MVB12B: variants seen among roughly 807,000 people sequenced by gnomAD.
MVB12B encodes the protein multivesicular body subunit 12B.
In MVB12B, 16 loss-of-function variants were observed where a neutral mutation model predicts 41.6. The observed-to-expected ratio is 0.38, with a 90% CI of 0.26 to 0.58. The LOEUF (loss-of-function observed/expected upper bound fraction) is 0.58, where lower values mean the gene tolerates loss of function less well. Ranked by LOEUF, MVB12B falls within the 20% of genes least tolerant of loss-of-function variation. MVB12B has a pLI of 0.62. For missense variants in MVB12B, 274 were observed against 380.2 expected (o/e 0.72, Z 2.32); for synonymous variants, 133 against 139.7 (o/e 0.95, Z 0.34).
Position 126,392,288 on chromosome 9 carries a change from C to A in MVB12B, c.539+93C>A. ...TGAGGTCCAAGAGATTTCCATGCAG[C>A]CCCCCAGGCTCTCAGCCATGGGCCT... On this transcript the variant is annotated intron_variant, in intron 5 of 9. Coordinates refer to ENST00000361171, the MANE Select transcript of MVB12B (RefSeq NM_033446.3). The surrounding 1 kb of genome is among the most constrained non-coding windows in gnomAD (Gnocchi z 4.8). 1 of 1,449,380 alleles carries A rather than the reference C, an allele frequency of 6.9e-7. No individual in the cohort carries two copies. The highest frequency in any genetic ancestry group is 9.5e-7 in the Non-Finnish European group (1 of 1,049,406). 89.8% of individuals were successfully genotyped at this position (1,449,380 alleles called of 1,614,324 possible). A position where few individuals can be genotyped will look rare whatever the true frequency, so the allele number is the denominator to read the frequency against.
At chr9:126,335,502 G>T in intron 1 of MVB12B, 1 of 858,710 alleles carries the variant, frequency 1.2e-6, no homozygotes, top group Non-Finnish European at 1.7e-6. Flanking sequence ...CTTGGGGACA[G>T]GCAGTCCCTT....
chr9:126,338,164 CCGT>C (rs1344135014), intron 1 of MVB12B, among the ~76,000 whole-genome samples: 1 of 152,254 alleles, frequency 6.6e-6, no homozygotes, highest in Non-Finnish European at 1.5e-5. Flanking sequence ...AAGGCCGCCT[CCGT>C]CCGGGGCACA....
chr9:126,357,811 A>G (rs79110247), intron 2 of MVB12B, among the ~76,000 whole-genome samples: 2,621 of 152,274 alleles, frequency 0.017, 68 homozygotes, highest in East Asian at 0.069. Flanking sequence ...TTTGAAAAGC[A>G]AAAGTTTTAA....
chr9:126,502,537 T>TTC (rs1833980232), intron 9 of MVB12B, among the ~76,000 whole-genome samples: 3 of 148,324 alleles, frequency 2.0e-5, no homozygotes, highest in South Asian at 2.2e-4. Flanking sequence ...TGGAGGAAGG[T>TTC]CCCCCCACCG....
At chr9:126,431,553 G>A (rs1832332243) in intron 7 of MVB12B, among the ~76,000 whole-genome samples, 1 of 152,124 alleles carries the variant, frequency 6.6e-6, no homozygotes, top group South Asian at 2.1e-4. Context: ...AATATTACTA[G>A]GTGACAGATA....
chr9:126,405,263 C>T (rs927506432), intron 6 of MVB12B, among the ~76,000 whole-genome samples: 4 of 151,756 alleles, frequency 2.6e-5, no homozygotes, highest in Admixed American at 1.3e-4. Context: ...GTTATCGTCC[C>T]GAGAAGCAGG....
intron 7 of MVB12B, among the ~76,000 whole-genome samples, chr9:126,463,469 G>A (rs1248655100): frequency 2.6e-5 from 4 of 152,114 alleles, no homozygotes; most frequent in Admixed American, 2.6e-4. Context: ...GAGATGACCT[G>A]GTTCGAATGC....
chr9:126,366,801 C>T (rs1331483878), intron 2 of MVB12B, among the ~76,000 whole-genome samples: 2 of 152,130 alleles, frequency 1.3e-5, no homozygotes, highest in African/African-American at 2.4e-5. Context: ...CCCTGCCAGG[C>T]GCCGAGCTTC....
chr9:126,421,837 G>C lies in MVB12B; in HGVS notation c.663-17G>C, dbSNP rs372538913. 27 of 1,597,804 alleles carry C rather than the reference G, an allele frequency of 1.7e-5. No individual in the cohort carries two copies. Among genetic ancestry groups the C allele is most frequent in the Middle Eastern group, 1.7e-4 (1 of 6,058 alleles). On this transcript the variant is annotated splice_polypyrimidine_tract_variant and intron_variant, in intron 6 of 9. Transcript: ENST00000361171. The stretch of plus-strand genomic sequence containing the variant: ...TGCTCCTTGTAATCTCCTTTCTCTC[G>C]TCCTTCTCTTCCTCAGGCACATCTC...
At position 126,468,262 on chromosome 9, in the gene MVB12B, C is replaced by T. The variant is rs12376387; in HGVS notation, c.758-13107C>T. Among the ~76,000 whole-genome samples, 16,525 of 152,118 alleles carry T rather than the reference C, an allele frequency of 0.11. 1,113 individuals carry two copies. The highest frequency in any genetic ancestry group is 0.19 in the Admixed American group (2,856 of 15,272). On this transcript the variant is annotated intron_variant, in intron 7 of 9. Transcript: ENST00000361171. This position sits in a 1 kb window ranked among gnomAD's most constrained non-coding sequence, Gnocchi z 4.3. Reference sequence around the variant, plus strand: ...ACTTCCAAACTCACCCTCACATCCCCGCCCGCCAGGCCTCATTTCTGGATC... The same window carrying T: ...ACTTCCAAACTCACCCTCACATCCCTGCCCGCCAGGCCTCATTTCTGGATC...
intron 6 of MVB12B, among the ~76,000 whole-genome samples, chr9:126,406,733 G>T (rs1413980604): frequency 6.6e-6 from 1 of 152,144 alleles, no homozygotes; most frequent in African/African-American, 2.4e-5. Context: ...CGGTGTTTTG[G>T]CATTGCAAGG....
At chr9:126,393,495 G>A (rs1391627118) in intron 5 of MVB12B, among the ~76,000 whole-genome samples, 3 of 152,200 alleles carry the variant, frequency 2.0e-5, no homozygotes, top group Non-Finnish European at 4.4e-5. Flanking sequence ...TCTAGGTAGG[G>A]TCATGTGCAC....
At chr9:126,398,289 C>G (rs1286748222) in intron 6 of MVB12B, among the ~76,000 whole-genome samples, 1 of 151,842 alleles carries the variant, frequency 6.6e-6, no homozygotes, top group African/African-American at 2.4e-5. Context: ...CTACCTGAAT[C>G]CAGGCACGAA....
At chr9:126,503,138 GGACT>G (rs996461286) in intron 9 of MVB12B, 35 bp from the exon 10 acceptor site, 65 of 1,512,038 alleles carry the variant, frequency 4.3e-5, no homozygotes, top group Admixed American at 2.2e-4. Flanking sequence ...AGTGTCCCAT[GGACT>G]GACTGTGTCT....
intron 2 of MVB12B, among the ~76,000 whole-genome samples, chr9:126,353,994 T>A (rs1204952347): frequency 1.3e-5 from 2 of 152,232 alleles, no homozygotes; most frequent in Non-Finnish European, 2.9e-5. Flanking sequence ...CTATTTACCC[T>A]TGTCCATACC....
chr9:126,488,257 C>A (rs945454567), intron 9 of MVB12B, among the ~76,000 whole-genome samples: 85 of 150,940 alleles, frequency 5.6e-4, no homozygotes, highest in African/African-American at 2.0e-3. Flanking sequence ...GGTCTGGCTG[C>A]CCTTAGTGAG....
intron 7 of MVB12B, among the ~76,000 whole-genome samples, chr9:126,423,478 T>G (rs1212029511): frequency 6.6e-6 from 1 of 152,196 alleles, no homozygotes; most frequent in Admixed American, 6.5e-5. Flanking sequence ...GGTAACAGCC[T>G]CAAGACACAG....
intron 1 of MVB12B, among the ~76,000 whole-genome samples, chr9:126,328,721 C>T (rs113728623): frequency 0.012 from 1,777 of 152,142 alleles, 26 homozygotes; most frequent in African/African-American, 0.041. Flanking sequence ...GGTTTGTTAA[C>T]GGATGAATGA....
At chr9:126,346,291 G>A (rs948837134) in intron 2 of MVB12B, among the ~76,000 whole-genome samples, 16 of 152,176 alleles carry the variant, frequency 1.1e-4, no homozygotes, top group African/African-American at 3.4e-4. Flanking sequence ...GAAGCAGTAC[G>A]TGGATCCTGG....
Sources: gnomAD v4.1 joint callset for allele counts (sites outside exome capture counted in the v4.1 genomes callset) on GRCh38, gnomAD v4.1.1 for gene constraint, Gnocchi (gnomAD v3.1) non-coding constraint, MANE v1.5 for transcripts, NCBI Gene and HGNC (gene_info 2026-07-23, HGNC 2026-07-21) for gene names.